The following VOPP1 variants were observed in gnomAD, a reference collection of about 807,000 sequenced individuals.
The protein encoded by VOPP1 is VOPP1 WW domain binding protein.
Under a neutral mutation model 23.5 loss-of-function variants are expected in VOPP1, and 8 were observed. The ratio of observed to expected loss-of-function variants is 0.34; its 90% confidence interval spans 0.20 to 0.61. The LOEUF (loss-of-function observed/expected upper bound fraction) is 0.61. Ranked by LOEUF, VOPP1 falls within the 20% of genes least tolerant of loss-of-function variation. The pLI is 0.78. For missense variants in VOPP1, 174 were observed against 238.1 expected, an observed-to-expected ratio of 0.73 and a Z score of 1.77; for synonymous variants, 83 against 97.3, an observed-to-expected ratio of 0.85 and a Z score of 0.86.
rs57462666 is a variant in VOPP1 at position 55,561,407 on chromosome 7, G to C, written c.54+10864C>G. Among the ~76,000 whole-genome samples, 897 of 152,176 alleles carry C rather than the reference G, an allele frequency of 5.9e-3. 9 individuals carry two copies. Among genetic ancestry groups the C allele is most frequent in the African/African-American group, 0.02 (850 of 41,512 alleles). On this transcript the variant is annotated intron_variant, in intron 1 of 4. Coordinates refer to ENST00000285279, the MANE Select transcript of VOPP1 (RefSeq NM_030796.5). Reference sequence around the variant, plus strand: ...ACAAACAGGTCCTCTAGGAGCTTAAGGTCTAAAGAATTTACAGACCAGGCC... The same window carrying C: ...ACAAACAGGTCCTCTAGGAGCTTAACGTCTAAAGAATTTACAGACCAGGCC...
chr7:55,450,658 T>C (rs1390829852), intron 4 of VOPP1, among the ~76,000 whole-genome samples: 2 of 152,280 alleles, frequency 1.3e-5, no homozygotes, highest in African/African-American at 4.8e-5. Context: ...GTTCACATCA[T>C]ACCTTTAGTG....
At chr7:55,438,303 G>C (rs557121849) in intron 4 of VOPP1, among the ~76,000 whole-genome samples, 2 of 151,828 alleles carry the variant, frequency 1.3e-5, no homozygotes, top group Non-Finnish European at 2.9e-5. Context: ...CAGACATTAC[G>C]GAGGCACTTG....
chr7:55,449,588 C>A (rs1358898178), intron 4 of VOPP1, among the ~76,000 whole-genome samples: 1 of 152,234 alleles, frequency 6.6e-6, no homozygotes, highest in Non-Finnish European at 1.5e-5. Context: ...CGCAGGGGAA[C>A]CCTGAAGGCA....
At chr7:55,439,044 A>G (rs1013341751) in intron 4 of VOPP1, among the ~76,000 whole-genome samples, 12 of 152,210 alleles carry the variant, frequency 7.9e-5, no homozygotes, top group Non-Finnish European at 1.6e-4. Context: ...GGTTGTACGC[A>G]CATTGAGTTC....
intron 4 of VOPP1, among the ~76,000 whole-genome samples, chr7:55,458,483 T>C (rs1434381339): frequency 1.3e-5 from 2 of 152,184 alleles, no homozygotes; most frequent in Non-Finnish European, 2.9e-5. Flanking sequence ...TTGATAGAGA[T>C]TGCTTTGAAT....
At position 55,446,542 on chromosome 7, in the gene VOPP1, G is replaced by A. The variant is rs1017905718; in HGVS notation, n.418-10368C>T. ...ACAAAATAATTTTAGAGCTGCAAGG[G>A]AACTTTGGTATTATTTTATAAACAG... is the stretch of plus-strand genomic sequence containing the variant. On this transcript the variant is annotated intron_variant and non_coding_transcript_variant, in intron 4 of 4. Coordinates refer to the VOPP1 transcript ENST00000462326. 4.6e-5 allele frequency among the ~76,000 whole-genome samples: 7 copies of A among 152,274 alleles called. 1 individual carries two copies. Among genetic ancestry groups the A allele is most frequent in the Admixed American group, 3.9e-4 (6 of 15,296 alleles).
At chr7:55,511,626 T>C (rs1381735410) in intron 2 of VOPP1, among the ~76,000 whole-genome samples, 2 of 152,210 alleles carry the variant, frequency 1.3e-5, no homozygotes, top group African/African-American at 4.8e-5. Flanking sequence ...CTCACTGAGA[T>C]AGATGCATAT....
chr7:55,491,226 A>C (rs991558547), intron 4 of VOPP1, among the ~76,000 whole-genome samples: 1 of 152,258 alleles, frequency 6.6e-6, no homozygotes, highest in Non-Finnish European at 1.5e-5. Context: ...TGTGATAAGA[A>C]CATATATTAA....
chr7:55,506,648 T>C (rs919677216), intron 2 of VOPP1, among the ~76,000 whole-genome samples: 41 of 151,528 alleles, frequency 2.7e-4, no homozygotes, highest in Non-Finnish European at 4.9e-4. Flanking sequence ...CAAGCTTCTT[T>C]TTTTTTTGAG....
intron 4 of VOPP1, among the ~76,000 whole-genome samples, chr7:55,455,726 G>A (rs1047026460): frequency 1.6e-4 from 24 of 152,314 alleles, no homozygotes; most frequent in Admixed American, 3.9e-4. Context: ...TTAATAAATG[G>A]TGTTGAGAAA....
At chr7:55,461,899 A>G (rs1158228976) in intron 4 of VOPP1, among the ~76,000 whole-genome samples, 2 of 152,076 alleles carry the variant, frequency 1.3e-5, no homozygotes, top group East Asian at 3.8e-4. Flanking sequence ...TAGTGGTAAC[A>G]TTTGATTCCT....
At chr7:55,444,902 T>C (rs1791057366) in intron 4 of VOPP1, among the ~76,000 whole-genome samples, 1 of 152,200 alleles carries the variant, frequency 6.6e-6, no homozygotes, top group Admixed American at 6.5e-5. Context: ...TTATTTGCCA[T>C]CTGGAAGGTC....
At chr7:55,570,174 A>G (rs2129058112) in intron 1 of VOPP1, among the ~76,000 whole-genome samples, 1 of 152,278 alleles carries the variant, frequency 6.6e-6, no homozygotes, top group South Asian at 2.1e-4. Context: ...CATCACAGGT[A>G]TTCATCAGAG....
At chr7:55,490,940 T>C (rs144310227) in intron 4 of VOPP1, among the ~76,000 whole-genome samples, 1 of 152,302 alleles carries the variant, frequency 6.6e-6, no homozygotes, top group African/African-American at 2.4e-5. Context: ...AAAGAACAAA[T>C]ATGCAAATGA....
intron 2 of VOPP1, among the ~76,000 whole-genome samples, chr7:55,509,168 C>T (rs1353831130): frequency 1.3e-5 from 2 of 152,126 alleles, no homozygotes; most frequent in African/African-American, 4.8e-5. Context: ...GATTCTAGTA[C>T]CTAAAAAATC....
chr7:55,561,735 T>G (rs1320687120), intron 1 of VOPP1: 18 of 464,850 alleles, frequency 3.9e-5, no homozygotes, highest in African/African-American at 3.4e-4. Flanking sequence ...ATTCACAGAC[T>G]GCTCCCCTCT....
intron 4 of VOPP1, among the ~76,000 whole-genome samples, chr7:55,442,853 A>G (rs1791001344): frequency 6.6e-6 from 1 of 152,208 alleles, no homozygotes; most frequent in Non-Finnish European, 1.5e-5. Flanking sequence ...GCGGTGGCTC[A>G]TGCCTGTAAT....
chr7:55,566,381 C>G (rs1584134738), intron 1 of VOPP1, among the ~76,000 whole-genome samples: 1 of 151,916 alleles, frequency 6.6e-6, no homozygotes, highest in Non-Finnish European at 1.5e-5. Flanking sequence ...GGTGAAACCC[C>G]GTCTCTACTA....
intron 1 of VOPP1, among the ~76,000 whole-genome samples, chr7:55,525,053 G>A (rs112575056): frequency 2.8e-4 from 43 of 152,232 alleles, no homozygotes; most frequent in Non-Finnish European, 5.3e-4. Context: ...GCTGGGTCAC[G>A]TGGAAGCACC....
Sources: allele counts gnomAD v4.1 joint callset (sites outside exome capture counted in the v4.1 genomes callset), GRCh38; gene constraint gnomAD v4.1.1; transcripts MANE v1.5; gene names NCBI Gene and HGNC (gene_info 2026-07-23, HGNC 2026-07-21).